Variants in MSI1 observed in about 807,000 individuals in gnomAD.
MSI1 encodes the protein RNA-binding protein Musashi homolog 1.
Under a neutral mutation model 54.4 loss-of-function variants are expected in MSI1, and 15 were observed. The observed-to-expected ratio is 0.28, with a 90% CI of 0.18 to 0.42. The LOEUF is 0.42. Ranked by LOEUF, MSI1 falls within the 20% of genes least tolerant of loss-of-function variation. The pLI is 1.00. For missense variants in MSI1, 304 were observed against 506.0 expected (o/e 0.60, Z 3.83); for synonymous variants, 200 against 196.5 (o/e 1.02, Z -0.15).
intron 10 of MSI1, among the ~76,000 whole-genome samples, chr12:120,351,786 G>A (rs1874628700): frequency 6.8e-6 from 1 of 147,292 alleles, no homozygotes; most frequent in Non-Finnish European, 1.5e-5. Context: ...TCGGCTCACT[G>A]CAAGCTCCGC....
intron 6 of MSI1, among the ~76,000 whole-genome samples, chr12:120,360,492 G>A (rs952940367): frequency 3.9e-5 from 6 of 152,176 alleles, no homozygotes; most frequent in Middle Eastern, 6.3e-3. Flanking sequence ...TGGGGCCCAC[G>A]CAACAGAGTG....
chr12:120,346,362 C>G, intron 12 of MSI1, 40 bp from the exon 13 acceptor site: 1 of 1,463,954 alleles, frequency 6.8e-7, no homozygotes, highest in Non-Finnish European at 9.1e-7. Context: ...CCCTGGTGCC[C>G]TCTGCCACCC....
intron 9 of MSI1, among the ~76,000 whole-genome samples, chr12:120,354,640 A>T (rs1393631560): frequency 6.6e-6 from 1 of 152,218 alleles, no homozygotes; most frequent in African/African-American, 2.4e-5. Context: ...CATGTTGGTC[A>T]GGCTGGTCTC....
At chr12:120,346,946 CT>C (rs879419371) in intron 12 of MSI1, among the ~76,000 whole-genome samples, 163 of 146,600 alleles carry the variant, frequency 1.1e-3, no homozygotes, top group East Asian at 9.3e-3. Context: ...CCCTGTCAGT[CT>C]TTTTTTTTTT....
At position 120,358,364 on chromosome 12, in the gene MSI1, A is replaced by G. The variant is rs182212522; in HGVS notation, c.452-466T>C. On this transcript the variant is annotated intron_variant, in intron 7 of 14. Coordinates refer to ENST00000257552, the MANE Select transcript of MSI1 (RefSeq NM_002442.4). ...ACATGCAGTTACCCTGACATACCAG[A>G]TATAAACAGATATTTAGGCACAGAT... 3.9e-5 allele frequency among the ~76,000 whole-genome samples: 6 copies of G among 152,350 alleles called. No homozygotes were observed. In the East Asian group the frequency reaches 1.2e-3, roughly 29 times the overall value.
intron 10 of MSI1, 80 bp downstream of exon 10, chr12:120,353,219 C>A: frequency 1.4e-6 from 2 of 1,401,832 alleles, no homozygotes; most frequent in Non-Finnish European, 2.0e-6. Context: ...GCCATGCACC[C>A]CTAGACACCA....
At chr12:120,358,254 A>C (rs1346985373) in intron 7 of MSI1, among the ~76,000 whole-genome samples, 1 of 152,252 alleles carries the variant, frequency 6.6e-6, no homozygotes, top group Non-Finnish European at 1.5e-5. Flanking sequence ...AAACTTACAC[A>C]AAGGTGTACA....
At position 120,363,155 on chromosome 12, in the gene MSI1, G is replaced by A. The variant is rs1249206202; in HGVS notation, c.310-20C>T. ...CACCATCTGTTAGGGGAGGGAATGAGAAAGTGGGCATCTGAGTCCTGTGGC... is the reference window on the plus strand; with the variant it reads ...CACCATCTGTTAGGGGAGGGAATGAAAAAGTGGGCATCTGAGTCCTGTGGC... On this transcript the variant is annotated intron_variant, in intron 5 of 14. Coordinates refer to ENST00000257552, the MANE Select transcript of MSI1 (RefSeq NM_002442.4). 1 of 1,610,032 alleles carries A rather than the reference G, an allele frequency of 6.2e-7. No homozygotes were observed. The highest frequency in any genetic ancestry group is 2.2e-5 in the East Asian group (1 of 44,862).
chr12:120,350,125 G>A (rs974980503), intron 11 of MSI1, among the ~76,000 whole-genome samples: 4 of 152,018 alleles, frequency 2.6e-5, no homozygotes, highest in East Asian at 1.9e-4. Flanking sequence ...GGGCTCAAAC[G>A]ATCCTCCCAC....
chr12:120,350,506 G>A (rs1314675229), intron 11 of MSI1, among the ~76,000 whole-genome samples: 2 of 152,236 alleles, frequency 1.3e-5, no homozygotes, highest in Admixed American at 6.5e-5. Context: ...GGGGAACCCT[G>A]AGCACCCCTT....
intron 5 of MSI1, among the ~76,000 whole-genome samples, chr12:120,363,732 C>T (rs973545614): frequency 2.6e-5 from 4 of 152,218 alleles, no homozygotes; most frequent in Non-Finnish European, 4.4e-5. Context: ...CTCCCTGGTG[C>T]GGCTTCCTTC....
chr12:120,347,321 G>A (rs143969596), intron 12 of MSI1, 125 bp downstream of exon 12: 38 of 1,151,442 alleles, frequency 3.3e-5, no homozygotes, highest in Non-Finnish European at 4.2e-5. Context: ...AGGTAATCAG[G>A]TGATACTTGA....
At chr12:120,357,616 C>T (rs537335171) in intron 8 of MSI1, among the ~76,000 whole-genome samples, 200 bp downstream of exon 8, 2 of 152,328 alleles carry the variant, frequency 1.3e-5, no homozygotes, top group Non-Finnish European at 1.5e-5. Context: ...AGCGATTCTC[C>T]TGCCTCAGCC....
chr12:120,347,305 C>A (rs948144277), intron 12 of MSI1, 141 bp downstream of exon 12: 2 of 1,088,826 alleles, frequency 1.8e-6, no homozygotes, highest in African/African-American at 1.5e-5. Context: ...ATGCCCAGCA[C>A]AGAGCAGGTA....
At chr12:120,346,450 C>T (rs1174421729) in intron 12 of MSI1, 128 bp from the exon 13 acceptor site, 13 of 928,860 alleles carry the variant, frequency 1.4e-5, no homozygotes, top group Non-Finnish European at 1.5e-5. Context: ...GGCCCACCTC[C>T]TGGAGATCTC....
intron 13 of MSI1, 52 bp from the exon 14 acceptor site, chr12:120,345,684 A>AG (rs763910427): frequency 1.2e-6 from 2 of 1,601,520 alleles, no homozygotes; most frequent in South Asian, 2.2e-5. Flanking sequence ...GAGGAAGATC[A>AG]GGGGCTCCTT....
intron 6 of MSI1, among the ~76,000 whole-genome samples, chr12:120,360,418 C>T (rs1875534503): frequency 6.6e-6 from 1 of 152,200 alleles, no homozygotes; most frequent in Admixed American, 6.5e-5. Flanking sequence ...CCCCACTGAG[C>T]CAGGAGGCAA....
intron 12 of MSI1, among the ~76,000 whole-genome samples, chr12:120,346,886 T>A (rs1271430602): frequency 2.0e-5 from 3 of 152,032 alleles, no homozygotes; most frequent in Admixed American, 1.3e-4. Context: ...CATTATTGCC[T>A]TTTTAATACC....
At chr12:120,363,762 G>GC (rs1875841793) in intron 5 of MSI1, among the ~76,000 whole-genome samples, 2 of 152,128 alleles carry the variant, frequency 1.3e-5, no homozygotes, top group Admixed American at 1.3e-4. Context: ...CTCCATAATT[G>GC]CTTTCAGGCC....
Sources: gnomAD v4.1 joint callset for allele counts (sites outside exome capture counted in the v4.1 genomes callset) on GRCh38, gnomAD v4.1.1 for gene constraint, MANE v1.5 for transcripts, NCBI Gene and HGNC (gene_info 2026-07-23, HGNC 2026-07-21) for gene names.